AXDND1: variants seen among roughly 807,000 people sequenced by gnomAD.
AXDND1 encodes axonemal dynein light chain domain-containing protein 1.
Under a neutral mutation model 137.5 loss-of-function variants are expected in AXDND1, and 110 were observed. That is an observed-to-expected ratio of 0.80 (90% CI 0.69 to 0.94). The LOEUF (loss-of-function observed/expected upper bound fraction) is 0.94, where lower values mean the gene tolerates loss of function less well. Ranked by LOEUF, AXDND1 falls within the 40% of genes least tolerant of loss-of-function variation. The pLI, the probability that AXDND1 is intolerant of heterozygous loss-of-function variation, is 0.00. For missense variants in AXDND1, 1,191 were observed against 1,169.8 expected, an observed-to-expected ratio of 1.02 and a Z score of -0.26; for synonymous variants, 414 against 399.7, an observed-to-expected ratio of 1.04 and a Z score of -0.43.
At chr1:179,391,114 T>C (rs79170470) in intron 9 of AXDND1, among the ~76,000 whole-genome samples, 1,018 of 79,982 alleles carry the variant, frequency 0.013, 6 homozygotes, top group African/African-American at 0.038. Context: ...ACTTCTTCTT[T>C]TTTTTTTTTT....
chr1:179,412,793 AT>A (rs1654094153), intron 12 of AXDND1, among the ~76,000 whole-genome samples: 1 of 152,144 alleles, frequency 6.6e-6, no homozygotes, highest in Admixed American at 6.5e-5. Flanking sequence ...TTTCCCACTG[AT>A]TTCTTTAGCA....
chr1:179,468,702 A>T, intron 17 of AXDND1, 61 bp downstream of exon 17: 1 of 1,303,224 alleles, frequency 7.7e-7, no homozygotes, highest in Non-Finnish European at 1.1e-6. Context: ...GTTGCAATAC[A>T]CTTCATATAT....
intron 19 of AXDND1, among the ~76,000 whole-genome samples, chr1:179,492,432 A>G (rs2125583259): frequency 9.2e-6 from 1 of 108,790 alleles, no homozygotes; most frequent in Middle Eastern, 4.6e-3. Context: ...TTTTTACAAA[A>G]TGGAAGAAAA....
chr1:179,516,324 A>G (rs1283848388), intron 21 of AXDND1, among the ~76,000 whole-genome samples: 1 of 152,090 alleles, frequency 6.6e-6, no homozygotes, highest in Non-Finnish European at 1.5e-5. Context: ...TCTTTATGCC[A>G]TCTATTTCCT....
intron 11 of AXDND1, among the ~76,000 whole-genome samples, chr1:179,401,172 C>T (rs1327181361): frequency 6.9e-5 from 10 of 144,798 alleles, no homozygotes; most frequent in South Asian, 4.5e-4. Flanking sequence ...GCAGGAGAAT[C>T]GCTTGAACCT....
chr1:179,456,597 C>G, intron 16 of AXDND1: 1 of 804,112 alleles, frequency 1.2e-6, no homozygotes, highest in Non-Finnish European at 2.2e-6. Flanking sequence ...ACCATCATTA[C>G]CAAACCCATT....
intron 11 of AXDND1, 79 bp downstream of exon 11, chr1:179,395,281 T>G: frequency 2.8e-6 from 3 of 1,057,280 alleles, no homozygotes; most frequent in Non-Finnish European, 4.2e-6. Flanking sequence ...ATATATATGA[T>G]ACTATAACTT....
At chr1:179,462,275 A>G (rs1407261363) in intron 16 of AXDND1, among the ~76,000 whole-genome samples, 2 of 152,188 alleles carry the variant, frequency 1.3e-5, no homozygotes, top group African/African-American at 4.8e-5. Flanking sequence ...AATTTTGTCA[A>G]AGGCCTTTTC....
chr1:179,405,392 G>A lies in AXDND1; in HGVS notation c.1110-5754G>A, dbSNP rs146871331. Reference sequence around the variant, plus strand: ...TGCTGCAGTAAACATACGTGTGCATGTGTTTTCATAGCAGAATGATTTATA... The same window carrying A: ...TGCTGCAGTAAACATACGTGTGCATATGTTTTCATAGCAGAATGATTTATA... On this transcript the variant is annotated intron_variant, in intron 11 of 25. Coordinates refer to ENST00000367618, the MANE Select transcript of AXDND1 (RefSeq NM_144696.6). Among the ~76,000 whole-genome samples, 206 of 152,304 alleles carry A rather than the reference G, an allele frequency of 1.4e-3. 2 individuals carry two copies. Among genetic ancestry groups the A allele is most frequent in the African/African-American group, 4.8e-3 (199 of 41,560 alleles).
At chr1:179,456,499 A>G (rs1661426637) in intron 16 of AXDND1, 1 of 770,988 alleles carries the variant, frequency 1.3e-6, no homozygotes, top group African/African-American at 1.7e-5. Flanking sequence ...CTCCCACCAT[A>G]GCCACTGCCC....
intron 15 of AXDND1, among the ~76,000 whole-genome samples, chr1:179,433,011 G>C (rs192734732): frequency 1.3e-5 from 2 of 152,088 alleles, no homozygotes; most frequent in African/African-American, 2.4e-5. Context: ...TCAGATTTTT[G>C]GGTCAAATTA....
At chr1:179,518,374 T>C (rs1669739734) in intron 21 of AXDND1, among the ~76,000 whole-genome samples, 1 of 134,188 alleles carries the variant, frequency 7.5e-6, no homozygotes, top group African/African-American at 2.6e-5. Context: ...TTATGATACA[T>C]TTTCCTTTTT....
intron 20 of AXDND1, among the ~76,000 whole-genome samples, chr1:179,507,854 C>A (rs891861814): frequency 6.6e-6 from 1 of 152,138 alleles, no homozygotes; most frequent in Non-Finnish European, 1.5e-5. Context: ...GGACTAAAAC[C>A]CAACACCTTC....
chr1:179,496,381 T>C (rs139019351), intron 20 of AXDND1, among the ~76,000 whole-genome samples: 1 of 152,078 alleles, frequency 6.6e-6, no homozygotes, highest in African/African-American at 2.4e-5. Context: ...ATCTAATTTC[T>C]TTAACAAGTT....
rs554374156 is a variant in AXDND1, at chr1:179,553,645, G to A, written c.3032-867G>A. Among the ~76,000 whole-genome samples, 6 of 152,246 alleles carry A rather than the reference G, an allele frequency of 3.9e-5. No individual in the cohort carries two copies. In the East Asian group the frequency reaches 9.6e-4, roughly 24 times the overall value. On this transcript the variant is annotated intron_variant, in intron 25 of 25. Coordinates refer to ENST00000367618, the MANE Select transcript of AXDND1 (RefSeq NM_144696.6). ...ACTTAACAAGTACAGGCTTCCTTTC[G>A]GGATGATGAAAATGTTCTGAAATTA...
Position 179,429,505 on chromosome 1 carries a change from A to C in AXDND1, c.1231-13A>C. 1.4e-6 allele frequency: 2 copies of C among 1,388,324 alleles called. No individual in the cohort carries two copies. The highest frequency in any genetic ancestry group is 1.9e-6 in the Non-Finnish European group (2 of 1,029,794). The allele number at this position is 1,388,324 out of a possible 1,614,324, so 86.0% of individuals were successfully genotyped here. ...TGTTTTAGGTTCCTGATTATAGTAC[A>C]TTATTTTTATAGGTGATTGAAAGAA... On this transcript the variant is annotated splice_polypyrimidine_tract_variant and intron_variant, in intron 12 of 25. Coordinates refer to ENST00000367618, the MANE Select transcript of AXDND1 (RefSeq NM_144696.6).
chr1:179,554,360 T>G, intron 25 of AXDND1, 152 bp from the exon 26 acceptor site: 1 of 1,210,576 alleles, frequency 8.3e-7, no homozygotes, highest in Non-Finnish European at 1.2e-6. Flanking sequence ...TTTTATAAAT[T>G]TATGCTGATA....
At chr1:179,366,703 C>T in intron 2 of AXDND1, 97 bp downstream of exon 2, 1 of 964,430 alleles carries the variant, frequency 1.0e-6, no homozygotes, top group Non-Finnish European at 1.6e-6. Flanking sequence ...TTCAGAATAC[C>T]TTGATTGGCT....
chr1:179,506,033 C>T (rs1389410765), intron 20 of AXDND1, among the ~76,000 whole-genome samples: 1 of 152,162 alleles, frequency 6.6e-6, no homozygotes, highest in Non-Finnish European at 1.5e-5. Context: ...TCATGTGAGA[C>T]TTGGAGGCAC....
Sources: gnomAD v4.1 joint callset for allele counts (sites outside exome capture counted in the v4.1 genomes callset) on GRCh38, gnomAD v4.1.1 for gene constraint, MANE v1.5 for transcripts, NCBI Gene and HGNC (gene_info 2026-07-23, HGNC 2026-07-21) for gene names.